The following SLC39A11 variants were observed in gnomAD, a reference collection of about 807,000 sequenced individuals.
SLC39A11 encodes the protein solute carrier family 39 member 11, also known as zinc transporter ZIP11.
SLC39A11 carries 33 observed loss-of-function variants against 36.1 expected under a neutral mutation model. That is an observed-to-expected ratio of 0.91 (90% confidence interval 0.69 to 1.22). The LOEUF is 1.22. Ranked by LOEUF, SLC39A11 falls within the 50% of genes most tolerant of loss-of-function variation. The probability of loss-of-function intolerance (pLI) is 0.00; values close to 1 mark genes in which losing one functional copy is unlikely to be tolerated. For synonymous variants in SLC39A11, 166 were observed against 170.3 expected, an observed-to-expected ratio of 0.97 and a Z score of 0.20; for missense variants, 432 against 430.3, an observed-to-expected ratio of 1.00 and a Z score of -0.03.
At chr17:72,661,815 G>A (rs1390568128) in intron 7 of SLC39A11, among the ~76,000 whole-genome samples, 1 of 152,172 alleles carries the variant, frequency 6.6e-6, no homozygotes, top group African/African-American at 2.4e-5. Flanking sequence ...TTCCCTTACA[G>A]TCTGCTGCCT....
chr17:72,892,173 C>A (rs542246978), intron 5 of SLC39A11, among the ~76,000 whole-genome samples: 59 of 152,026 alleles, frequency 3.9e-4, no homozygotes, highest in Non-Finnish European at 7.9e-4. Context: ...TCTGGGAGGC[C>A]GAGGTGGGCA....
intron 6 of SLC39A11, among the ~76,000 whole-genome samples, chr17:72,745,219 G>C (rs997518384): frequency 1.3e-5 from 2 of 152,234 alleles, no homozygotes; most frequent in Admixed American, 6.5e-5. Context: ...GGATGGGAAA[G>C]GGCACCTGTA....
At chr17:72,659,776 T>A (rs1352418686) in intron 7 of SLC39A11, among the ~76,000 whole-genome samples, 3 of 151,916 alleles carry the variant, frequency 2.0e-5, no homozygotes, top group Non-Finnish European at 2.9e-5. Flanking sequence ...TTTTTTTGTA[T>A]TTTTAGTAGA....
intron 7 of SLC39A11, among the ~76,000 whole-genome samples, chr17:72,672,442 CT>C (rs769782974): frequency 6.6e-6 from 1 of 152,156 alleles, no homozygotes; most frequent in Non-Finnish European, 1.5e-5. Flanking sequence ...GAGTGAAACT[CT>C]GTCTCAAAAA....
intron 4 of SLC39A11, among the ~76,000 whole-genome samples, chr17:73,025,014 C>A (rs2058485887): frequency 6.6e-6 from 1 of 151,934 alleles, no homozygotes; most frequent in Non-Finnish European, 1.5e-5. Flanking sequence ...CCGCGCCTGG[C>A]CAAAACTGGG....
rs560503688 is a variant in SLC39A11, at chr17:72,939,079, C to T, written c.430+8673G>A. On this transcript the variant is annotated intron_variant, in intron 5 of 9. Transcript: ENST00000255559. ...GAACCAAGCTCCTGAAGTCTGGTCA[C>T]GGAGTGATCAGAGTATGGGGTTGGT... 4.6e-5 allele frequency among the ~76,000 whole-genome samples: 7 copies of T among 152,252 alleles called. No individual in the cohort carries two copies. In the South Asian group the frequency reaches 1.5e-3, roughly 32 times the overall value.
chr17:72,654,886 C>T (rs969146870), intron 7 of SLC39A11, among the ~76,000 whole-genome samples: 4 of 152,242 alleles, frequency 2.6e-5, no homozygotes, highest in South Asian at 2.1e-4. Context: ...GCGCTGACTA[C>T]AGCCATCGCC....
rs1445350190 is a variant in SLC39A11, at chr17:72,959,323, GTGTATATATATATATATATATATA to G, written c.307-11472_307-11449del. On this transcript the variant is annotated intron_variant, in intron 4 of 9. Coordinates refer to ENST00000255559, the MANE Select transcript of SLC39A11 (RefSeq NM_139177.4). ...AACTGGTGTATGTATGTGTGTGTGT[GTGTATATATATATATATATATATA>G]TATATATATATATATATATGATCGA... 2.7e-3 allele frequency among the ~76,000 whole-genome samples: 222 copies of G among 81,460 alleles called. 12 individuals are homozygous for G. Among genetic ancestry groups the G allele is most frequent in the Non-Finnish European group, 3.2e-3 (130 of 41,078 alleles). The allele number at this position is 81,460 out of a possible 152,430, so 53.4% of individuals were successfully genotyped here.
chr17:72,934,576 G>T (rs2084627446), intron 5 of SLC39A11, among the ~76,000 whole-genome samples: 1 of 152,180 alleles, frequency 6.6e-6, no homozygotes, highest in African/African-American at 2.4e-5. Context: ...TGAGGCAGGA[G>T]AATTGCTTGA....
At chr17:73,020,198 G>A (rs572273720) in intron 4 of SLC39A11, among the ~76,000 whole-genome samples, 91 of 152,168 alleles carry the variant, frequency 6.0e-4, no homozygotes, top group Middle Eastern at 3.4e-3. Flanking sequence ...GTGTCCCCTC[G>A]AAAAAAATTC....
rs746428868 is a variant in SLC39A11, at chr17:72,936,411, T to TAAAAAA, written c.430+11335_430+11340dup. ...TGGCAGTATCTCATCTGAAAAAAAG[T>TAAAAAA]AAAAAAAAAAAAAAAAAAAAAAAAA... On this transcript the variant is annotated intron_variant, in intron 5 of 9. Transcript: ENST00000255559. Among the ~76,000 whole-genome samples, 291 of 73,442 alleles carry TAAAAAA rather than the reference T, an allele frequency of 4.0e-3. 5 individuals carry two copies. Among genetic ancestry groups the TAAAAAA allele is most frequent in the African/African-American group, 0.014 (273 of 20,040 alleles). 48.2% of individuals were successfully genotyped at this position (73,442 alleles called of 152,430 possible).
intron 7 of SLC39A11, among the ~76,000 whole-genome samples, chr17:72,724,194 A>G (rs1302713765): frequency 2.0e-5 from 3 of 152,052 alleles, no homozygotes; most frequent in African/African-American, 7.3e-5. Context: ...GAGAGGAAAG[A>G]GAGGGACAGA....
intron 3 of SLC39A11, among the ~76,000 whole-genome samples, chr17:73,062,214 C>T (rs2144261678): frequency 6.6e-6 from 1 of 151,894 alleles, no homozygotes; most frequent in African/African-American, 2.4e-5. Flanking sequence ...AATCCCAGCA[C>T]TTTGGGAGGC....
intron 7 of SLC39A11, among the ~76,000 whole-genome samples, chr17:72,726,690 G>T (rs2073947509): frequency 6.6e-6 from 1 of 152,170 alleles, no homozygotes; most frequent in South Asian, 2.1e-4. Flanking sequence ...TAAATAAAGG[G>T]TTGCTTTGTT....
intron 7 of SLC39A11, among the ~76,000 whole-genome samples, chr17:72,673,964 A>G (rs1006277062): frequency 1.3e-5 from 2 of 152,140 alleles, no homozygotes; most frequent in Non-Finnish European, 2.9e-5. Context: ...GCTACTTGGG[A>G]GGCTGAGGCA....
At chr17:73,003,753 A>C (rs1275568496) in intron 4 of SLC39A11, among the ~76,000 whole-genome samples, 1 of 152,134 alleles carries the variant, frequency 6.6e-6, no homozygotes, top group Non-Finnish European at 1.5e-5. Context: ...CGGGATAATC[A>C]CTATAGATTT....
intron 6 of SLC39A11, among the ~76,000 whole-genome samples, chr17:72,740,734 A>T (rs1025185036): frequency 3.9e-5 from 6 of 152,210 alleles, no homozygotes; most frequent in African/African-American, 1.4e-4. Context: ...TGAACTGCTC[A>T]TGAGGAGATG....
At chr17:72,699,460 C>A (rs553060449) in intron 7 of SLC39A11, among the ~76,000 whole-genome samples, 1 of 152,230 alleles carries the variant, frequency 6.6e-6, no homozygotes, top group East Asian at 1.9e-4. Flanking sequence ...GGGAATCTAT[C>A]CAGTCTGTTA....
chr17:72,761,124 G>A (rs2075559871), intron 6 of SLC39A11, among the ~76,000 whole-genome samples: 1 of 151,788 alleles, frequency 6.6e-6, no homozygotes, highest in Admixed American at 6.6e-5. Context: ...TTTTTGTTTT[G>A]TTTTGTTTTG....
Sources: allele counts gnomAD v4.1 joint callset (sites outside exome capture counted in the v4.1 genomes callset), GRCh38; gene constraint gnomAD v4.1.1; transcripts MANE v1.5; gene names NCBI Gene and HGNC (gene_info 2026-07-23, HGNC 2026-07-21).